The following NOC2L variants were observed in gnomAD, a reference collection of about 807,000 sequenced individuals.
NOC2L encodes NOC2 like nucleolar associated transcriptional repressor.
A neutral mutation model predicts 94.2 loss-of-function variants in NOC2L; 101 were observed. The observed-to-expected ratio is 1.07, with a 90% CI of 0.91 to 1.26. NOC2L has a LOEUF of 1.26. NOC2L is among the 50% of genes most tolerant of loss of function. NOC2L has a pLI of 0.00. For missense variants in NOC2L, 1,076 were observed against 980.1 expected, an observed-to-expected ratio of 1.10 and a Z score of -1.31; for synonymous variants, 531 against 413.4, an observed-to-expected ratio of 1.28 and a Z score of -3.45.
intron 6 of NOC2L, among the ~76,000 whole-genome samples, chr1:954,760 C>T (rs1382234055): frequency 3.3e-5 from 5 of 151,530 alleles, no homozygotes; most frequent in South Asian, 2.1e-4. Context: ...CCAGAAGGTA[C>T]GTGTCGCAGT....
rs201728286 is a variant in NOC2L at position 953,988 on chromosome 1, C to T, written c.777+16G>A. 1.9e-4 allele frequency: 309 copies of T among 1,604,202 alleles called. 1 individual carries two copies. In the African/African-American group the frequency reaches 3.7e-3, roughly 19 times the overall value. ...GATACAGCCAGGCCCCCGTGCCCTC[C>T]CCACCAGAATAGCACCTGTATGGCC... On this transcript the variant is annotated intron_variant, in intron 7 of 18. Transcript: ENST00000327044.
rs560287775 is a variant in NOC2L, at chr1:956,954, C to T, written c.426G>A (p.Gly142=). The change falls in exon 4 of 19, where the codon GGG becomes GGA. Residue 142 remains glycine, a synonymous_variant. Transcript: ENST00000327044. ...DGDRVPRGLK[G]KKNSVPVTVA... ...CGGTCACAGGAACAGAATTCTTCTT[C>T]CCCTTCAGCCCTCTGGGGACTCTGT... 3 of 1,614,134 alleles carry T rather than the reference C, an allele frequency of 1.9e-6. No individual in the cohort carries two copies. In the South Asian group the frequency reaches 3.3e-5, roughly 18 times the overall value.
rs561623328 is a variant in NOC2L, at chr1:945,056, C to G, written c.2143+1G>C. On this transcript the variant is annotated splice_donor_variant, in intron 18 of 18. Coordinates refer to ENST00000327044, the MANE Select transcript of NOC2L (RefSeq NM_015658.4). LOFTEE classifies it high-confidence loss of function. ...CACCCTCTCACCCCAAGACCATTCA[C>G]CCTCCGAGTTGCTGCTGTCCTCCTC... 1 of 1,614,152 alleles carries G rather than the reference C, an allele frequency of 6.2e-7. No individual in the cohort carries two copies. Among genetic ancestry groups the G allele is most frequent in the Non-Finnish European group, 8.5e-7 (1 of 1,179,984 alleles).
Position 953,775 on chromosome 1 carries a change from C to T in NOC2L, c.888+7G>A. On this transcript the variant is annotated splice_region_variant and intron_variant, in intron 8 of 18. Coordinates refer to ENST00000327044, the MANE Select transcript of NOC2L (RefSeq NM_015658.4). ...GACAGACACAGGGAGGGGACTGGGCCACGAACCTTGAGCAGCATGCGGCAC... is the reference window on the plus strand; with the variant it reads ...GACAGACACAGGGAGGGGACTGGGCTACGAACCTTGAGCAGCATGCGGCAC... 1 of 1,604,008 alleles carries T rather than the reference C, an allele frequency of 6.2e-7. No individual in the cohort carries two copies. The highest frequency in any genetic ancestry group is 1.3e-5 in the African/African-American group (1 of 74,818).
intron 18 of NOC2L, 76 bp downstream of exon 18, chr1:944,980 GC>G (rs1388730407): frequency 3.7e-5 from 60 of 1,600,684 alleles, no homozygotes; most frequent in Non-Finnish European, 4.7e-5. Context: ...AGAGCCCCAC[GC>G]CCCCCGCCCA....
At chr1:954,453 G>A (rs549273489) in intron 6 of NOC2L, 1 of 220,858 alleles carries the variant, frequency 4.5e-6, no homozygotes, top group Non-Finnish European at 8.9e-6. Flanking sequence ...CCAGCAGCTG[G>A]TACTCAGCAC....
rs1290259443 is a variant in NOC2L, at chr1:948,569, C to G, written c.1478G>C (p.Gly493Ala). The G allele has an allele frequency of 6.2e-7, 1 of 1,613,642 alleles. No individual in the cohort carries two copies. The highest frequency in any genetic ancestry group is 8.5e-7 in the Non-Finnish European group (1 of 1,179,948). The change falls in exon 13 of 19, where the codon GGG becomes GCG. Residue 493 changes from glycine (G) to alanine (A), a missense_variant. Physicochemically the swap from Gly to Ala is moderately conservative, Grantham distance 60. Around this residue, in one of 3 missense-constraint regions of NOC2L, gnomAD observed 615 missense variants for 577.4 expected, o/e 1.07. Coordinates refer to ENST00000327044, the MANE Select transcript of NOC2L (RefSeq NM_015658.4). ...FQQVDFNRKP[G>A]RMSSKPINFS... ...GTTGATGGGCTTGGAGCTCATGCGC[C>G]CTGGCTTCCTGTTGAAGTCGACCTG...
At chr1:944,957 A>G (rs1319236975) in intron 18 of NOC2L, 100 bp downstream of exon 18, 12 of 1,571,262 alleles carry the variant, frequency 7.6e-6, no homozygotes, top group Non-Finnish European at 1.0e-5. Flanking sequence ...CCAGGGAGGG[A>G]AAAGCCTGGC....
rs765871666 is a variant in NOC2L at position 956,879 on chromosome 1, CT to C, written c.486+14del. The stretch of plus-strand genomic sequence containing the variant: ...TGCCTGGGCACCCAGCTGCCCGCCC[CT>C]GGCTGCTGCTCACCTTTGCTGCCTG... On this transcript the variant is annotated intron_variant, in intron 4 of 18. Transcript: ENST00000327044. 14 of 1,612,892 alleles carry C rather than the reference CT, an allele frequency of 8.7e-6. No homozygotes were observed. The highest frequency in any genetic ancestry group is 1.1e-5 in the Non-Finnish European group (13 of 1,180,006).
Position 952,442 on chromosome 1 carries a change from G to A in NOC2L, c.1161C>T (p.His387=), listed in dbSNP as rs1358039283. ...TGCGAGTGGTCATGGCGTTGCGCAG[G>A]TGTATGGCGAGCTGGCGGATGTAGA... ...AFLYIRQLAI[H]LRNAMTTRKK... is the part of the protein sequence containing the mutation. The change falls in exon 10 of 19, where the codon CAC becomes CAT. Residue 387 remains histidine, a synonymous_variant. Transcript: ENST00000327044. 21 of 1,613,788 alleles carry A rather than the reference G, an allele frequency of 1.3e-5. No individual in the cohort carries two copies. Among genetic ancestry groups the A allele is most frequent in the Non-Finnish European group, 1.6e-5 (19 of 1,179,998 alleles).
rs187097013 is a variant in NOC2L, at chr1:956,761, C to T, written c.486+133G>A. The T allele has an allele frequency of 3.8e-4, 488 of 1,282,716 alleles. No homozygotes were observed. In the African/African-American group the frequency reaches 5.4e-3, roughly 14 times the overall value. The allele number at this position is 1,282,716 out of a possible 1,614,324, so 79.5% of individuals were successfully genotyped here. The stretch of plus-strand genomic sequence containing the variant: ...CCCCTCCCACCAGCACAGCCTCAGG[C>T]GCCTCAGGTGAGGCAAGGCCAGATC... On this transcript the variant is annotated intron_variant, in intron 4 of 18. Transcript: ENST00000327044.
chr1:946,764 A>G, intron 14 of NOC2L: 1 of 546,684 alleles, frequency 1.8e-6, no homozygotes, highest in South Asian at 2.3e-5. Flanking sequence ...CACCTCTGGA[A>G]ATAAAGTTTT....
chr1:952,668 C>T (rs1642292441), intron 9 of NOC2L, 68 bp from the exon 10 acceptor site: 3 of 1,478,460 alleles, frequency 2.0e-6, no homozygotes, highest in Non-Finnish European at 2.8e-6. Flanking sequence ...CACTCCAGGG[C>T]CCCTGTGAAC....
chr1:953,462 G>A (rs1642312169), intron 8 of NOC2L, among the ~76,000 whole-genome samples, 174 bp from the exon 9 acceptor site: 1 of 152,262 alleles, frequency 6.6e-6, no homozygotes, highest in African/African-American at 2.4e-5. Flanking sequence ...CAGAACAGGT[G>A]TGTTGCTCCT....
intron 17 of NOC2L, 125 bp downstream of exon 17, chr1:945,393 C>T: frequency 8.8e-6 from 11 of 1,245,558 alleles, no homozygotes; most frequent in Non-Finnish European, 1.2e-5. Flanking sequence ...CTGAGGTTGG[C>T]CCCAGCTGGG....
chr1:949,842 C>T (rs1007333937), intron 12 of NOC2L, among the ~76,000 whole-genome samples: 1 of 152,204 alleles, frequency 6.6e-6, no homozygotes, highest in East Asian at 1.9e-4. Flanking sequence ...GGAATCAGAA[C>T]GTGCCTGGGG....
chr1:946,867 G>A (rs1389008208), intron 14 of NOC2L: 1 of 216,888 alleles, frequency 4.6e-6, no homozygotes, highest in Non-Finnish European at 9.3e-6. Context: ...AGACCAGCCT[G>A]GCCAACGTGG....
At position 944,721 on chromosome 1, in the gene NOC2L, C is replaced by T. The variant is rs1228120494; in HGVS notation, c.2223G>A (p.Glu741=). The change falls in exon 19 of 19, where the codon GAG becomes GAA. Residue 741 remains glutamate (E), a synonymous_variant. Coordinates refer to ENST00000327044, the MANE Select transcript of NOC2L (RefSeq NM_015658.4). ...QLAQGPEDEL[E]DLQLSEDD The stretch of plus-strand genomic sequence containing the variant: ...AGTCGTCCTCTGAGAGCTGCAGATC[C>T]TCCAGCTCGTCCTCCGGCCCCTGGG... The T allele has an allele frequency of 6.2e-7, 1 of 1,600,492 alleles. No individual in the cohort carries two copies. Among genetic ancestry groups the T allele is most frequent in the Non-Finnish European group, 8.5e-7 (1 of 1,178,806 alleles).
chr1:945,293 G>A (rs957961594), intron 17 of NOC2L, 147 bp from the exon 18 acceptor site: 4 of 1,112,592 alleles, frequency 3.6e-6, no homozygotes, highest in Middle Eastern at 5.1e-4. Context: ...GGGAGGAACT[G>A]GGAGGTCACA....
Sources: gnomAD v4.1 joint callset for allele counts (sites outside exome capture counted in the v4.1 genomes callset) on GRCh38, gnomAD v4.1.1 for gene constraint, gnomAD v4.1.1 regional missense constraint, MANE v1.5 for transcripts, NCBI Gene and HGNC (gene_info 2026-07-23, HGNC 2026-07-21) for gene names.